Variants in VAV1 observed in about 807,000 individuals in gnomAD.
VAV1 encodes vav guanine nucleotide exchange factor 1.
VAV1 carries 33 observed loss-of-function variants against 128.1 expected under a neutral mutation model. The ratio of observed to expected loss-of-function variants is 0.26; its 90% CI spans 0.20 to 0.34. VAV1 has a LOEUF of 0.34. VAV1 is among the 10% of genes least tolerant of loss of function. The pLI, the probability that VAV1 is intolerant of heterozygous loss-of-function variation, is 1.00. For synonymous variants in VAV1, 394 were observed against 409.8 expected (o/e 0.96, Z 0.47); for missense variants, 715 against 1,093.7 (o/e 0.65, Z 4.88).
intron 26 of VAV1, 30 bp downstream of exon 26, chr19:6,854,128 G>A (rs1167820344): frequency 1.2e-6 from 2 of 1,608,464 alleles, no homozygotes; most frequent in Non-Finnish European, 1.7e-6. Context: ...GTGACGGGGA[G>A]GGCATGGGGG....
intron 24 of VAV1, among the ~76,000 whole-genome samples, chr19:6,852,694 C>G (rs1486306683): frequency 1.3e-5 from 2 of 150,236 alleles, no homozygotes; most frequent in Non-Finnish European, 2.9e-5. Flanking sequence ...GCACTCCAGC[C>G]TGGGCGACAG....
At chr19:6,837,101 C>A in intron 21 of VAV1, 51 bp downstream of exon 21, 1 of 1,592,658 alleles carries the variant, frequency 6.3e-7, no homozygotes, top group South Asian at 1.1e-5. Flanking sequence ...CAGGGCGGGT[C>A]CTGGGAGGAT....
intron 21 of VAV1, among the ~76,000 whole-genome samples, chr19:6,841,997 G>A (rs995722915): frequency 2.0e-5 from 3 of 151,840 alleles, no homozygotes; most frequent in African/African-American, 4.8e-5. Flanking sequence ...AGGCCGAGGC[G>A]GGTGGATCAC....
chr19:6,837,440 C>T (rs963716946), intron 21 of VAV1, among the ~76,000 whole-genome samples: 1 of 151,946 alleles, frequency 6.6e-6, no homozygotes, highest in Non-Finnish European at 1.5e-5. Flanking sequence ...CCTGTCCACT[C>T]CAGCCTCTGC....
chr19:6,795,534 G>T (rs1380175715), intron 1 of VAV1, among the ~76,000 whole-genome samples: 1 of 152,042 alleles, frequency 6.6e-6, no homozygotes, highest in East Asian at 1.9e-4. Context: ...TAAGCAGCCT[G>T]GTTCTCAATT....
chr19:6,800,698 T>G (rs1441065801), intron 1 of VAV1, among the ~76,000 whole-genome samples: 2 of 152,012 alleles, frequency 1.3e-5, no homozygotes, highest in African/African-American at 2.4e-5. Context: ...CTCGGCTCAC[T>G]GCCACCTCCG....
At chr19:6,830,875 C>T (rs1053321174) in intron 14 of VAV1, among the ~76,000 whole-genome samples, 1 of 151,952 alleles carries the variant, frequency 6.6e-6, no homozygotes, top group Non-Finnish European at 1.5e-5. Flanking sequence ...ATTGCTTGAG[C>T]CCAGGAGTTT....
rs1568299097 is a variant in VAV1 at position 6,814,661 on chromosome 19, TTC to T, written c.205-6040_205-6039del. 1.5e-3 allele frequency among the ~76,000 whole-genome samples: 110 copies of T among 74,354 alleles called. 1 individual carries two copies. The highest frequency in any genetic ancestry group is 7.6e-3 in the African/African-American group (88 of 11,580). The allele number at this position is 74,354 out of a possible 152,430, so 48.8% of individuals were successfully genotyped here. ...TCTCCTTCCTTCCTTCCTTCCTTCC[TTC>T]CTTCCTTCCTTTCTTTCTTTCTTTC... On this transcript the variant is annotated intron_variant, in intron 1 of 26. Transcript: ENST00000602142.
rs1482774448 is a variant in VAV1, at chr19:6,828,398, C to T, written c.1024-21C>T. ...AGAAGGGGAGGGGCCCAGGTGACGTCTGACGTCTTGGTTCTCTCAGGAGCT... is the reference window on the plus strand; with the variant it reads ...AGAAGGGGAGGGGCCCAGGTGACGTTTGACGTCTTGGTTCTCTCAGGAGCT... On this transcript the variant is annotated intron_variant, in intron 10 of 26. Transcript: ENST00000602142. This position sits in a 1 kb window ranked among gnomAD's most constrained non-coding sequence, Gnocchi z 4.5. 1 of 1,613,974 alleles carries T rather than the reference C, an allele frequency of 6.2e-7. No homozygotes were observed. The highest frequency in any genetic ancestry group is 1.7e-4 in the Middle Eastern group (1 of 5,952).
At chr19:6,774,714 T>C (rs1039836687) in intron 1 of VAV1, among the ~76,000 whole-genome samples, 1 of 151,172 alleles carries the variant, frequency 6.6e-6, no homozygotes, top group African/African-American at 2.4e-5. Flanking sequence ...GAATTACAGG[T>C]GTGAGCCACT....
In VAV1 at chr19:6,828,436, G is replaced by A; in HGVS notation, c.1041G>A (p.Thr347=). The A allele has an allele frequency of 6.2e-7, 1 of 1,614,186 alleles. No homozygotes were observed. Among genetic ancestry groups the A allele is most frequent in the Non-Finnish European group, 8.5e-7 (1 of 1,180,048 alleles). Residue 347 remains threonine, a synonymous_variant, in exon 11 of 27, where the codon ACG becomes ACA. Transcript: ENST00000602142. The surrounding 1 kb of genome is among the most constrained non-coding windows in gnomAD (Gnocchi z 4.5). The part of the protein sequence containing the change: ...HLLLQELVKH[T]QEAMEKENLR... ...TCTCTCAGGAGCTGGTGAAACACACGCAGGAGGCGATGGAGAAGGAGAACC... is the reference window on the plus strand; with the variant it reads ...TCTCTCAGGAGCTGGTGAAACACACACAGGAGGCGATGGAGAAGGAGAACC...
At chr19:6,792,037 A>T (rs1248748781) in intron 1 of VAV1, among the ~76,000 whole-genome samples, 1 of 152,096 alleles carries the variant, frequency 6.6e-6, no homozygotes, top group Admixed American at 6.6e-5. Context: ...TCCTTGGAGC[A>T]TTTAAGCAGA....
At position 6,774,424 on chromosome 19, in the gene VAV1, A is replaced by G. The variant is rs1266183281; in HGVS notation, c.204+1413A>G. Among the ~76,000 whole-genome samples the G allele has an allele frequency of 4.9e-5, 5 of 102,334 alleles. No individual in the cohort carries two copies. In the South Asian group the frequency reaches 1.5e-3, roughly 31 times the overall value. The allele number at this position is 102,334 out of a possible 152,430, so 67.1% of individuals were successfully genotyped here. A position where few individuals can be genotyped will look rare whatever the true frequency, so the allele number is the denominator to read the frequency against. ...ATTACAGGTGTGAGCCACCGCGCCC[A>G]GCCTTTTTTTTTTTTTTTTTTTTTT... On this transcript the variant is annotated intron_variant, in intron 1 of 26. Coordinates refer to ENST00000602142, the MANE Select transcript of VAV1 (RefSeq NM_005428.4).
intron 23 of VAV1, 82 bp downstream of exon 23, chr19:6,848,196 T>C (rs1343356920): frequency 2.2e-6 from 3 of 1,341,448 alleles, no homozygotes; most frequent in Non-Finnish European, 3.0e-6. Context: ...GGTTTTACTT[T>C]ATAGAAGTGT....
rs1970659931 is a variant in VAV1, at chr19:6,777,107, C to T, written c.204+4096C>T. ...GCCCACCCACCCATCCATCCATCTA[C>T]TCATCCATCCATCCATCCATCCATC... On this transcript the variant is annotated intron_variant, in intron 1 of 26. Coordinates refer to ENST00000602142, the MANE Select transcript of VAV1 (RefSeq NM_005428.4). This position sits in a 1 kb window ranked among gnomAD's most constrained non-coding sequence, Gnocchi z 4.4. 6.6e-6 allele frequency among the ~76,000 whole-genome samples: 1 copy of T among 151,052 alleles called. No homozygotes were observed. The highest frequency in any genetic ancestry group is 2.1e-4 in the South Asian group (1 of 4,796).
At chr19:6,854,367 C>T (rs1467789325) in intron 26 of VAV1, among the ~76,000 whole-genome samples, 2 of 152,104 alleles carry the variant, frequency 1.3e-5, no homozygotes, top group African/African-American at 4.8e-5. Context: ...AACTTATAAT[C>T]GAATGTGGAG....
At chr19:6,817,374 A>G (rs1971679476) in intron 1 of VAV1, among the ~76,000 whole-genome samples, 1 of 151,940 alleles carries the variant, frequency 6.6e-6, no homozygotes, top group South Asian at 2.1e-4. Context: ...AAAAAATGCA[A>G]ATATTGTTAT....
chr19:6,774,935 T>G (rs1483102126), intron 1 of VAV1, among the ~76,000 whole-genome samples: 1 of 151,006 alleles, frequency 6.6e-6, no homozygotes, highest in Non-Finnish European at 1.5e-5. Flanking sequence ...TTTTTTTTTT[T>G]TTGTATTTTT....
At chr19:6,782,806 C>T (rs1970792999) in intron 1 of VAV1, among the ~76,000 whole-genome samples, 1 of 151,440 alleles carries the variant, frequency 6.6e-6, no homozygotes, top group African/African-American at 2.4e-5. Context: ...CACTTGAGCC[C>T]AGGAATTGGA....
Sources: gnomAD v4.1 joint callset for allele counts (sites outside exome capture counted in the v4.1 genomes callset) on GRCh38, gnomAD v4.1.1 for gene constraint, Gnocchi (gnomAD v3.1) non-coding constraint, MANE v1.5 for transcripts, NCBI Gene and HGNC (gene_info 2026-07-23, HGNC 2026-07-21) for gene names.